The following COL8A1 variants were observed in gnomAD, a reference collection of about 807,000 sequenced individuals.
COL8A1 encodes the protein collagen alpha-1(VIII) chain.
A neutral mutation model predicts 42.7 loss-of-function variants in COL8A1; 21 were observed. That is an observed-to-expected ratio of 0.49 (90% CI 0.35 to 0.71). The LOEUF (loss-of-function observed/expected upper bound fraction) is 0.71, where lower values mean the gene tolerates loss of function less well. COL8A1 is among the 30% of genes least tolerant of loss of function. The pLI, the probability that COL8A1 is intolerant of heterozygous loss-of-function variation, is 0.01. For missense variants in COL8A1, 788 were observed against 962.4 expected (o/e 0.82, Z 2.40); for synonymous variants, 367 against 369.1 (o/e 0.99, Z 0.06).
chr3:99,655,213 A>T (rs2107294443), intron 1 of COL8A1, among the ~76,000 whole-genome samples: 1 of 152,170 alleles, frequency 6.6e-6, no homozygotes, highest in East Asian at 1.9e-4. Context: ...ACCCATCTCT[A>T]CCCAGCAGAA....
intron 1 of COL8A1, among the ~76,000 whole-genome samples, chr3:99,702,050 T>C (rs1298931434): frequency 6.6e-6 from 1 of 152,188 alleles, no homozygotes; most frequent in East Asian, 1.9e-4. Flanking sequence ...CTTCGTAATG[T>C]TATTTAAAAG....
intron 1 of COL8A1, among the ~76,000 whole-genome samples, chr3:99,639,704 C>A (rs556680553): frequency 6.6e-6 from 1 of 152,328 alleles, no homozygotes; most frequent in African/African-American, 2.4e-5. Context: ...ACACTTGGTC[C>A]ATGAAGTTTG....
At chr3:99,686,093 C>A (rs985206678) in intron 1 of COL8A1, among the ~76,000 whole-genome samples, 8 of 152,164 alleles carry the variant, frequency 5.3e-5, no homozygotes, top group Non-Finnish European at 1.2e-4. Flanking sequence ...CTCACTTCAT[C>A]AGAACTAATC....
rs1282619728 is a variant in COL8A1, at chr3:99,798,738, C to T, written c.*2602C>T. On this transcript the variant is annotated 3_prime_UTR_variant, in exon 4 of 4. Transcript: ENST00000652472. The stretch of plus-strand genomic sequence containing the variant: ...AGATAGAAGAGGAGCAACATCTATG[C>T]CAAATACTGTGCATTCTACAATGGT... 6.6e-6 allele frequency: 1 copy of T among 152,124 alleles called. No individual in the cohort carries two copies. The highest frequency in any genetic ancestry group is 1.5e-5 in the Non-Finnish European group (1 of 68,040). The allele number at this position is 152,124 out of a possible 1,614,324, so 9.4% of individuals were successfully genotyped here.
intron 1 of COL8A1, among the ~76,000 whole-genome samples, chr3:99,732,550 C>T (rs1940546272): frequency 6.6e-6 from 1 of 152,084 alleles, no homozygotes. Context: ...CTGAGAACAG[C>T]ATAAGGGTAA....
intron 1 of COL8A1, among the ~76,000 whole-genome samples, chr3:99,660,127 G>A (rs1358011555): frequency 6.6e-6 from 1 of 152,144 alleles, no homozygotes; most frequent in Non-Finnish European, 1.5e-5. Context: ...CCGGAATCAC[G>A]CAGGACAAGT....
intron 1 of COL8A1, among the ~76,000 whole-genome samples, chr3:99,649,419 A>G (rs1937766738): frequency 6.6e-6 from 1 of 152,128 alleles, no homozygotes; most frequent in Admixed American, 6.5e-5. Context: ...AAATAAGTTG[A>G]CGGTGAATAA....
chr3:99,775,004 G>A (rs1941666301), intron 2 of COL8A1, among the ~76,000 whole-genome samples: 1 of 152,204 alleles, frequency 6.6e-6, no homozygotes, highest in African/African-American at 2.4e-5. Flanking sequence ...AGAAACAGTG[G>A]TAGGTGTGAG....
chr3:99,660,208 A>G (rs114318912), intron 1 of COL8A1, among the ~76,000 whole-genome samples: 1,945 of 152,262 alleles, frequency 0.013, 39 homozygotes, highest in African/African-American at 0.044. Flanking sequence ...TCCTAAGGGC[A>G]CTGTGGCTTT....
At chr3:99,641,299 A>C (rs1937505174) in intron 1 of COL8A1, among the ~76,000 whole-genome samples, 1 of 152,084 alleles carries the variant, frequency 6.6e-6, no homozygotes, top group African/African-American at 2.4e-5. Context: ...AAGAGCAAAA[A>C]TCCATGTCTG....
chr3:99,669,144 T>TAG (rs1187331044), intron 1 of COL8A1, among the ~76,000 whole-genome samples: 8 of 100,056 alleles, frequency 8.0e-5, no homozygotes, highest in Admixed American at 1.1e-4. Context: ...TATATATATA[T>TAG]ATAGAGGGAG....
At chr3:99,678,066 G>A (rs1478406916) in intron 1 of COL8A1, 1 of 152,166 alleles carries the variant, frequency 6.6e-6, no homozygotes, top group Non-Finnish European at 1.5e-5. Flanking sequence ...ACAAGGAAAT[G>A]AGGGGGACCA....
At position 99,734,124 on chromosome 3, in the gene COL8A1, C is replaced by A. The variant is rs569674662; in HGVS notation, c.-128-10773C>A. On this transcript the variant is annotated intron_variant, in intron 1 of 3. Coordinates refer to ENST00000652472, the MANE Select transcript of COL8A1 (RefSeq NM_020351.4). ...TGCCTGTTAACTCTGATGGTAGTTT[C>A]TTTTGCTGTGCAGAAGCTCTTTAGT... Among the ~76,000 whole-genome samples the A allele has an allele frequency of 4.6e-3, 702 of 151,754 alleles. 4 individuals are homozygous for A. The highest frequency in any genetic ancestry group is 0.016 in the African/African-American group (658 of 41,208).
Position 99,773,815 on chromosome 3 carries a change from G to GTATATATATATATATATATATATATTATA in COL8A1, c.-3-16842_-3-16841insATTATATATATATATATATATATATATAT, listed in dbSNP as rs1553682062. ...TAAGTAGATGATTATATATATGTGT[G>GTATATATATATATATATATATATATTATA]TATATATATATATATATATATATTT... On this transcript the variant is annotated intron_variant, in intron 2 of 3. Coordinates refer to ENST00000652472, the MANE Select transcript of COL8A1 (RefSeq NM_020351.4). Among the ~76,000 whole-genome samples, 52 of 35,908 alleles carry GTATATATATATATATATATATATATTATA rather than the reference G, an allele frequency of 1.4e-3. 1 individual carries two copies. The highest frequency in any genetic ancestry group is 4.4e-3 in the South Asian group (4 of 902). 23.6% of individuals were successfully genotyped at this position (35,908 alleles called of 152,430 possible). A position where few individuals can be genotyped will look rare whatever the true frequency, so the allele number is the denominator to read the frequency against.
intron 1 of COL8A1, among the ~76,000 whole-genome samples, chr3:99,676,198 A>G (rs1398139900): frequency 6.6e-6 from 1 of 152,140 alleles, no homozygotes; most frequent in African/African-American, 2.4e-5. Flanking sequence ...AAACCTTCTT[A>G]CAAAGAAAAC....
intron 1 of COL8A1, chr3:99,685,492 G>A (rs1049557643): frequency 6.6e-6 from 1 of 152,282 alleles, no homozygotes; most frequent in Admixed American, 6.5e-5. Context: ...GTTAAGAAGT[G>A]AGACTCACCC....
intron 1 of COL8A1, among the ~76,000 whole-genome samples, chr3:99,738,033 C>T (rs538959525): frequency 6.6e-6 from 1 of 152,254 alleles, no homozygotes; most frequent in Admixed American, 6.5e-5. Context: ...CCTGAGGCTT[C>T]TGCATTCTTC....
At chr3:99,708,159 T>G (rs1484666673) in intron 1 of COL8A1, among the ~76,000 whole-genome samples, 1 of 152,170 alleles carries the variant, frequency 6.6e-6, no homozygotes, top group Non-Finnish European at 1.5e-5. Context: ...TGAAAAAAAT[T>G]AAGGGAAAAT....
intron 1 of COL8A1, among the ~76,000 whole-genome samples, chr3:99,733,060 C>A (rs913161054): frequency 6.6e-6 from 1 of 151,456 alleles, no homozygotes; most frequent in Non-Finnish European, 1.5e-5. Flanking sequence ...GCTCCCACGG[C>A]CTTGGGCAAC....
Sources: allele counts gnomAD v4.1 joint callset (sites outside exome capture counted in the v4.1 genomes callset), GRCh38; gene constraint gnomAD v4.1.1; transcripts MANE v1.5; gene names NCBI Gene and HGNC (gene_info 2026-07-23, HGNC 2026-07-21).